The following SENP7 variants were observed in gnomAD, a reference collection of about 807,000 sequenced individuals.
The protein encoded by SENP7 is sentrin-specific protease 7.
A neutral mutation model predicts 141.2 loss-of-function variants in SENP7; 64 were observed. The ratio of observed to expected loss-of-function variants is 0.45; its 90% CI spans 0.37 to 0.56. The LOEUF is 0.56. SENP7 is among the 20% of genes least tolerant of loss of function. The probability of loss-of-function intolerance (pLI) is 0.00; values close to 1 mark genes in which losing one functional copy is unlikely to be tolerated. For missense variants in SENP7, 1,025 were observed against 1,212.2 expected, an observed-to-expected ratio of 0.85 and a Z score of 2.29; for synonymous variants, 382 against 426.4, an observed-to-expected ratio of 0.90 and a Z score of 1.28.
At chr3:101,426,483 A>ACT (rs759212908) in intron 4 of SENP7, among the ~76,000 whole-genome samples, 1 of 143,100 alleles carries the variant, frequency 7.0e-6, no homozygotes, top group Non-Finnish European at 1.6e-5. Context: ...GAGAAATAAG[A>ACT]TTTTTTTTTT....
chr3:101,425,575 GA>G (rs1385633753), intron 4 of SENP7, among the ~76,000 whole-genome samples: 1 of 152,168 alleles, frequency 6.6e-6, no homozygotes, highest in Non-Finnish European at 1.5e-5. Flanking sequence ...ACCAGCAAAA[GA>G]ACACTGAAAA....
At chr3:101,347,721 C>CAA (rs11389959) in intron 13 of SENP7, 151 bp downstream of exon 13, 6,080 of 273,390 alleles carry the variant, frequency 0.022, no homozygotes, top group East Asian at 0.035. Flanking sequence ...GACTCCATCT[C>CAA]AAAAAAAAAA....
At chr3:101,399,418 T>C (rs1489034515) in intron 5 of SENP7, among the ~76,000 whole-genome samples, 2 of 152,218 alleles carry the variant, frequency 1.3e-5, no homozygotes, top group African/African-American at 2.4e-5. Flanking sequence ...ATTCAAGAAA[T>C]CTTTGTTCTT....
At chr3:101,392,085 C>T (rs1055261576) in intron 6 of SENP7, among the ~76,000 whole-genome samples, 2 of 152,086 alleles carry the variant, frequency 1.3e-5, no homozygotes, top group African/African-American at 4.8e-5. Flanking sequence ...GATTAAGGCC[C>T]TATATGACAA....
intron 5 of SENP7, among the ~76,000 whole-genome samples, chr3:101,410,069 G>T (rs181428756): frequency 1.3e-5 from 2 of 152,118 alleles, no homozygotes; most frequent in Admixed American, 1.3e-4. Context: ...AATCTATAAT[G>T]AATGCAAACA....
intron 4 of SENP7, among the ~76,000 whole-genome samples, chr3:101,434,722 A>G (rs1218762879): frequency 6.6e-6 from 1 of 152,150 alleles, no homozygotes; most frequent in Non-Finnish European, 1.5e-5. Context: ...TGAACCACGA[A>G]GAAATCCAAA....
chr3:101,508,512 T>G (rs1285298498), intron 1 of SENP7, among the ~76,000 whole-genome samples: 1 of 152,090 alleles, frequency 6.6e-6, no homozygotes, highest in Non-Finnish European at 1.5e-5. Flanking sequence ...AGCAGGAGAA[T>G]GGGATGAACC....
At chr3:101,453,548 G>T (rs1231876808) in intron 4 of SENP7, among the ~76,000 whole-genome samples, 1 of 152,170 alleles carries the variant, frequency 6.6e-6, no homozygotes, top group Non-Finnish European at 1.5e-5. Context: ...AAAAAATGAT[G>T]AGTTCATGTC....
intron 2 of SENP7, among the ~76,000 whole-genome samples, chr3:101,499,879 G>C (rs1026328255): frequency 6.6e-6 from 1 of 152,064 alleles, no homozygotes; most frequent in Admixed American, 6.6e-5. Flanking sequence ...ATGTTGGCCA[G>C]GCTGGTCTTG....
intron 4 of SENP7, among the ~76,000 whole-genome samples, chr3:101,448,492 T>A (rs1004228093): frequency 6.6e-6 from 1 of 152,178 alleles, no homozygotes; most frequent in African/African-American, 2.4e-5. Flanking sequence ...TTTCCCTGAG[T>A]ATCAGCAGCA....
chr3:101,510,580 C>T (rs893093075), intron 1 of SENP7, among the ~76,000 whole-genome samples: 1 of 152,032 alleles, frequency 6.6e-6, no homozygotes, highest in African/African-American at 2.4e-5. Context: ...TGGCCGGGCA[C>T]GGTGGCTCAC....
At chr3:101,400,207 GTTT>G (rs1333761789) in intron 5 of SENP7, among the ~76,000 whole-genome samples, 3 of 152,132 alleles carry the variant, frequency 2.0e-5, no homozygotes, top group African/African-American at 7.2e-5. Flanking sequence ...TAATTTTAAA[GTTT>G]TCCTAACTCC....
intron 3 of SENP7, among the ~76,000 whole-genome samples, chr3:101,479,892 C>CAAAAAAAAAAAA (rs1168285268): frequency 6.8e-4 from 5 of 7,346 alleles, no homozygotes; most frequent in African/African-American, 2.4e-3. Context: ...ACAACAGCTA[C>CAAAAAAAAAAAA]AAAAAAAAAA....
chr3:101,508,694 T>C (rs2108209218), intron 1 of SENP7, among the ~76,000 whole-genome samples: 1 of 152,336 alleles, frequency 6.6e-6, no homozygotes, highest in East Asian at 1.9e-4. Flanking sequence ...TTCTATATAC[T>C]GTCTTCCTCA....
intron 1 of SENP7, among the ~76,000 whole-genome samples, chr3:101,505,374 G>C (rs958463513): frequency 6.6e-6 from 1 of 152,054 alleles, no homozygotes; most frequent in African/African-American, 2.4e-5. Context: ...ATTTTAAAAG[G>C]AATGTCAGTT....
rs59427401 is a variant in SENP7 at position 101,395,149 on chromosome 3, C to T, written c.677+3712G>A. Among the ~76,000 whole-genome samples the T allele has an allele frequency of 9.8e-3, 1,486 of 152,296 alleles. 27 individuals carry two copies. The highest frequency in any genetic ancestry group is 0.034 in the African/African-American group (1,405 of 41,552). ...GCTCCTTAGCTGTGCAGAAGCCATT[C>T]AGCTTAATATAGTCTCATTTATGTA... is the stretch of plus-strand genomic sequence containing the variant. On this transcript the variant is annotated intron_variant, in intron 6 of 23. Coordinates refer to ENST00000394095, the MANE Select transcript of SENP7 (RefSeq NM_020654.5).
chr3:101,361,961 T>TTTG, intron 10 of SENP7, 100 bp from the exon 11 acceptor site: 1 of 1,296,990 alleles, frequency 7.7e-7, no homozygotes. Context: ...TTACTATTAG[T>TTTG]GAATTTTTGA....
chr3:101,512,505 A>G (rs1365857769), intron 1 of SENP7, among the ~76,000 whole-genome samples: 3 of 152,182 alleles, frequency 2.0e-5, no homozygotes, highest in Non-Finnish European at 4.4e-5. Context: ...CTTTCCAATC[A>G]CTTTTGGAAG....
At chr3:101,342,286 T>G (rs1298931997) in intron 14 of SENP7, among the ~76,000 whole-genome samples, 1 of 152,212 alleles carries the variant, frequency 6.6e-6, no homozygotes, top group Non-Finnish European at 1.5e-5. Flanking sequence ...CCCGTGTATG[T>G]GCATGCATGT....
Sources: allele counts gnomAD v4.1 joint callset (sites outside exome capture counted in the v4.1 genomes callset), GRCh38; gene constraint gnomAD v4.1.1; transcripts MANE v1.5; gene names NCBI Gene and HGNC (gene_info 2026-07-23, HGNC 2026-07-21).